LAMP1: variants seen among roughly 807,000 people sequenced by gnomAD.
The protein encoded by LAMP1 is lysosome-associated membrane glycoprotein 1.
LAMP1 carries 7 observed loss-of-function variants against 37.5 expected under a neutral mutation model. The observed-to-expected ratio is 0.19, with a 90% confidence interval of 0.11 to 0.35. The LOEUF (loss-of-function observed/expected upper bound fraction) is 0.35, where lower values mean the gene tolerates loss of function less well. Ranked by LOEUF, LAMP1 falls within the 10% of genes least tolerant of loss-of-function variation. The probability of loss-of-function intolerance (pLI) is 1.00; values close to 1 mark genes in which losing one functional copy is unlikely to be tolerated. For missense variants in LAMP1, 537 were observed against 552.8 expected (o/e 0.97, Z 0.29); for synonymous variants, 236 against 229.1 (o/e 1.03, Z -0.27).
intron 2 of LAMP1, among the ~76,000 whole-genome samples, chr13:113,308,511 GAC>G (rs1354573575): frequency 6.6e-6 from 1 of 151,144 alleles, no homozygotes; most frequent in Non-Finnish European, 1.5e-5. Context: ...TTTTAGTAGA[GAC>G]AGGGATTCTC....
intron 4 of LAMP1, among the ~76,000 whole-genome samples, chr13:113,315,094 C>T (rs1257460258): frequency 2.3e-5 from 3 of 132,660 alleles, no homozygotes; most frequent in Admixed American, 1.6e-4. Context: ...CTAGAGGGAA[C>T]CAGTGTGGAG....
chr13:113,299,284 T>C (rs1459574724), intron 1 of LAMP1, among the ~76,000 whole-genome samples: 3 of 152,098 alleles, frequency 2.0e-5, no homozygotes, highest in African/African-American at 7.2e-5. Context: ...CTTTTTTTTT[T>C]TGAGGCGGAG....
chr13:113,310,950 G>A, intron 4 of LAMP1, 83 bp downstream of exon 4: 1 of 1,188,546 alleles, frequency 8.4e-7, no homozygotes, highest in African/African-American at 1.5e-5. Context: ...ACTGCTCTGT[G>A]TCCTGGTGCT....
At chr13:113,305,307 C>T (rs1372940704) in intron 1 of LAMP1, 1 of 152,250 alleles carries the variant, frequency 6.6e-6, no homozygotes, top group Non-Finnish European at 1.5e-5. Flanking sequence ...TGAGTGCTCA[C>T]TGGACTGGCA....
chr13:113,309,686 A>T lies in LAMP1; in HGVS notation c.227A>T (p.Asn76Ile), dbSNP rs774558141. Reference protein sequence around the residue: ...DLPSDATVVLNRSSCGKENTS... With the variant: ...DLPSDATVVLIRSSCGKENTS... ...CCATCAGATGCCACAGTGGTGCTCA[A>T]CCGCAGCTCCTGTGGAAAAGAGAAC... Residue 76 changes from asparagine (N) to isoleucine (I), a missense_variant, in exon 3 of 9, where the codon AAC becomes ATC. Coordinates refer to ENST00000332556, the MANE Select transcript of LAMP1 (RefSeq NM_005561.4). 3 of 1,614,074 alleles carry T rather than the reference A, an allele frequency of 1.9e-6. No homozygotes were observed. The African/African-American group carries it at 4.0e-5, about 22-fold the overall frequency.
chr13:113,298,817 T>G (rs2139352845), intron 1 of LAMP1, among the ~76,000 whole-genome samples: 1 of 152,316 alleles, frequency 6.6e-6, no homozygotes, highest in East Asian at 1.9e-4. Context: ...CTCACAAGCC[T>G]CATAACTTTG....
At chr13:113,304,004 G>A (rs915422649) in intron 1 of LAMP1, among the ~76,000 whole-genome samples, 4 of 152,186 alleles carry the variant, frequency 2.6e-5, no homozygotes, top group Non-Finnish European at 5.9e-5. Flanking sequence ...AGAATCGCTT[G>A]AACCTGGGAG....
chr13:113,297,572 C>G lies in LAMP1; in HGVS notation c.61+77C>G. On this transcript the variant is annotated intron_variant, in intron 1 of 8. Transcript: ENST00000332556. This position sits in a 1 kb window ranked among gnomAD's most constrained non-coding sequence, Gnocchi z 4.4. ...GTCCCTGGGTCTTGAGGGCGGGGGA[C>G]TGCCGGGTCGTTGTCCCGCGGGTCG... 1 of 1,186,520 alleles carries G rather than the reference C, an allele frequency of 8.4e-7. No individual in the cohort carries two copies. The highest frequency in any genetic ancestry group is 1.0e-6 in the Non-Finnish European group (1 of 954,504). The allele number at this position is 1,186,520 out of a possible 1,614,324, so 73.5% of individuals were successfully genotyped here.
chr13:113,322,200 T>TG (rs1303767731), intron 8 of LAMP1, 82 bp from the exon 9 acceptor site: 2 of 1,413,836 alleles, frequency 1.4e-6, no homozygotes, highest in Admixed American at 4.4e-5. Context: ...TTTTGGCTGA[T>TG]GTGGGGGAGT....
At chr13:113,317,683 A>G (rs1385093679) in intron 4 of LAMP1, among the ~76,000 whole-genome samples, 4 of 149,532 alleles carry the variant, frequency 2.7e-5, no homozygotes, top group African/African-American at 9.8e-5. Flanking sequence ...TTTATAAAGG[A>G]ACCGTGAAGC....
intron 4 of LAMP1, among the ~76,000 whole-genome samples, chr13:113,317,247 C>T (rs1431033068): frequency 2.6e-5 from 4 of 152,160 alleles, no homozygotes. Flanking sequence ...CACCATCTCC[C>T]CCCGGGCAGC....
chr13:113,304,497 G>A (rs1193952734), intron 1 of LAMP1, among the ~76,000 whole-genome samples: 3 of 152,186 alleles, frequency 2.0e-5, no homozygotes, highest in Admixed American at 2.0e-4. Flanking sequence ...ATAAGTGGTA[G>A]AATCTTCCCT....
intron 4 of LAMP1, among the ~76,000 whole-genome samples, chr13:113,311,680 T>C (rs1217126868): frequency 6.6e-6 from 1 of 152,262 alleles, no homozygotes; most frequent in African/African-American, 2.4e-5. Flanking sequence ...GGCCACCTCC[T>C]AGCCCTGTGA....
chr13:113,309,359 C>G (rs1411769799), intron 2 of LAMP1, among the ~76,000 whole-genome samples: 1 of 152,136 alleles, frequency 6.6e-6, no homozygotes, highest in African/African-American at 2.4e-5. Context: ...CCTCAGCCTC[C>G]CAGAGTGTTA....
rs971114372 is a variant in LAMP1, at chr13:113,320,193, G to T, written c.751-152G>T. 3 of 909,288 alleles carry T rather than the reference G, an allele frequency of 3.3e-6. No homozygotes were observed. In the African/African-American group the frequency reaches 5.0e-5, roughly 15 times the overall value. 56.3% of individuals were successfully genotyped at this position (909,288 alleles called of 1,614,324 possible). The stretch of plus-strand genomic sequence containing the variant: ...TCAGGGAGAGTCATCTTGGGATCCC[G>T]AAATCTGTACTAGTGTGGTCTTTCA... On this transcript the variant is annotated intron_variant, in intron 5 of 8. Transcript: ENST00000332556. This position sits in a 1 kb window ranked among gnomAD's most constrained non-coding sequence, Gnocchi z 4.4.
At chr13:113,298,587 T>C (rs2042554849) in intron 1 of LAMP1, among the ~76,000 whole-genome samples, 1 of 152,224 alleles carries the variant, frequency 6.6e-6, no homozygotes, top group East Asian at 1.9e-4. Flanking sequence ...AAAACTCTGT[T>C]ACTGTGAGTG....
chr13:113,314,055 C>G (rs1187975645), intron 4 of LAMP1, among the ~76,000 whole-genome samples: 32 of 75,322 alleles, frequency 4.2e-4, no homozygotes, highest in African/African-American at 2.0e-3. Flanking sequence ...TGGAGATGCC[C>G]GTGTGCCTGG....
chr13:113,313,142 T>C (rs752121111), intron 4 of LAMP1, among the ~76,000 whole-genome samples: 11 of 152,092 alleles, frequency 7.2e-5, no homozygotes, highest in Non-Finnish European at 1.5e-4. Context: ...GGGGTGCGCA[T>C]GGCATGACCG....
At chr13:113,316,785 G>A (rs528504151) in intron 4 of LAMP1, among the ~76,000 whole-genome samples, 2 of 151,696 alleles carry the variant, frequency 1.3e-5, no homozygotes, top group South Asian at 4.2e-4. Flanking sequence ...AGGAATCGAT[G>A]GTAAAACATT....
Sources: allele counts gnomAD v4.1 joint callset (sites outside exome capture counted in the v4.1 genomes callset), GRCh38; gene constraint gnomAD v4.1.1; non-coding constraint Gnocchi (gnomAD v3.1); transcripts MANE v1.5; gene names NCBI Gene and HGNC (gene_info 2026-07-23, HGNC 2026-07-21).